OR2D2: variants seen among roughly 807,000 people sequenced by gnomAD.
OR2D2 encodes olfactory receptor 2D2.
In OR2D2, 20 loss-of-function variants were observed where a neutral mutation model predicts 16.0. That is an observed-to-expected ratio of 1.25 (90% confidence interval 0.88 to 1.82). The LOEUF (loss-of-function observed/expected upper bound fraction) is 1.82. Ranked by LOEUF, OR2D2 falls within the 40% of genes most tolerant of loss-of-function variation. The pLI, the probability that OR2D2 is intolerant of heterozygous loss-of-function variation, is 0.00. For synonymous variants in OR2D2, 164 were observed against 143.9 expected (o/e 1.14, Z -1.00); for missense variants, 409 against 369.3 (o/e 1.11, Z -0.88).
Position 6,891,660 on chromosome 11 carries a change from G to A in OR2D2, c.841C>T (p.Pro281Ser). 2 of 1,613,614 alleles carry A rather than the reference G, an allele frequency of 1.2e-6. No individual in the cohort carries two copies. The highest frequency in any genetic ancestry group is 1.7e-6 in the Non-Finnish European group (2 of 1,179,794). ...SVSVFYAIVT[P>S]MLNPLIYSLR... ...CTATAGATGAGGGGATTAAGCATGG[G>A]AGTCACTATTGCATAGAAAACAGAC... Residue 281 changes from proline (P) to serine (S), a missense_variant, in exon 1 of 1, where the codon CCC becomes TCC. Physicochemically the swap from Pro to Ser is moderately conservative, Grantham distance 74. Transcript: ENST00000299459.
Position 6,891,923 on chromosome 11 carries a change from T to C in OR2D2, c.578A>G (p.His193Arg). 6.2e-7 allele frequency: 1 copy of C among 1,613,700 alleles called. No individual in the cohort carries two copies. The highest frequency in any genetic ancestry group is 1.7e-5 in the Admixed American group (1 of 59,924). ...AAGAAAAATGGCCATCTCTGATGCATGGGTGTCTGTGGATGCTAAGATCAA... is the reference window on the plus strand; with the variant it reads ...AAGAAAAATGGCCATCTCTGATGCACGGGTGTCTGTGGATGCTAAGATCAA... Reference protein sequence around the residue: ...ALLILASTDTHASEMAIFLMG... With the variant: ...ALLILASTDTRASEMAIFLMG... Residue 193 changes from histidine to arginine, a missense_variant, in exon 1 of 1, where the codon CAT becomes CGT. Coordinates refer to ENST00000299459, the MANE Select transcript of OR2D2 (RefSeq NM_003700.1).
chr11:6,892,460 A>G lies in OR2D2; in HGVS notation c.41T>C (p.Leu14Pro), dbSNP rs201658807. 4.3e-6 allele frequency: 7 copies of G among 1,612,544 alleles called. No homozygotes were observed. Among genetic ancestry groups the G allele is most frequent in the Middle Eastern group, 3.3e-4 (2 of 6,044 alleles). Residue 14 changes from leucine to proline, a missense_variant, in exon 1 of 1, where the codon CTT (leucine) becomes CCT (proline). Physicochemically the swap from Leu to Pro is moderately conservative, Grantham distance 98. Coordinates refer to ENST00000299459, the MANE Select transcript of OR2D2 (RefSeq NM_003700.1). ...INQTQVTEFL[L>P]LGLSDGPHTE... ...GTGTGGCCCATCAGAGAGTCCCAGA[A>G]GGAGGAATTCTGTCACTTGTGTCTG...
rs139169283 is a variant in OR2D2, at chr11:6,892,432, G to A, written c.69C>T (p.Thr23=). 2.2e-5 allele frequency: 35 copies of A among 1,613,666 alleles called. No individual in the cohort carries two copies. The African/African-American group carries it at 2.3e-4, about 10-fold the overall frequency. Residue 23 remains threonine, a synonymous_variant, in exon 1 of 1, where the codon ACC becomes ACT. Coordinates refer to ENST00000299459, the MANE Select transcript of OR2D2 (RefSeq NM_003700.1). ...ATAATACGATAAATAGCAGCTGCTC[G>A]GTGTGTGGCCCATCAGAGAGTCCCA... ...LLLGLSDGPH[T]EQLLFIVLLG...
In OR2D2 at chr11:6,892,413, C is replaced by T. The variant is rs113796560; in HGVS notation, c.88G>A (p.Val30Ile). ...GPHTEQLLFI[V>I]LLGVYLVTVL... Reference sequence around the variant, plus strand: ...GTGACCAGGTAGACACCCAATAATACGATAAATAGCAGCTGCTCGGTGTGT... The same window carrying T: ...GTGACCAGGTAGACACCCAATAATATGATAAATAGCAGCTGCTCGGTGTGT... Residue 30 changes from valine to isoleucine, a missense_variant, in exon 1 of 1, where the codon GTA becomes ATA. Val to Ile is a conservative substitution (Grantham distance 29). Transcript: ENST00000299459. 123 of 1,613,688 alleles carry T rather than the reference C, an allele frequency of 7.6e-5. No individual in the cohort carries two copies. Among genetic ancestry groups the T allele is most frequent in the African/African-American group, 1.7e-4 (13 of 74,986 alleles).
chr11:6,891,736 T>A lies in OR2D2; in HGVS notation c.765A>T (p.Ala255=). Residue 255 remains alanine (A), a synonymous_variant, in exon 1 of 1, where the codon GCA becomes GCT. Transcript: ENST00000299459. ...ACTTGGGTGTCATGTAAGTGATAAT[T>A]GCTGATCCATAAAAAAGTATGACCA... ...LMVVILFYGS[A]IITYMTPKSS... 6.2e-7 allele frequency: 1 copy of A among 1,613,756 alleles called. No homozygotes were observed. Among genetic ancestry groups the A allele is most frequent in the Non-Finnish European group, 8.5e-7 (1 of 1,179,820 alleles).
At position 6,891,953 on chromosome 11, in the gene OR2D2, G is replaced by C; in HGVS notation, c.548C>G (p.Ala183Gly). The C allele has an allele frequency of 6.2e-7, 1 of 1,613,696 alleles. No homozygotes were observed. The highest frequency in any genetic ancestry group is 8.5e-7 in the Non-Finnish European group (1 of 1,179,826). ...SIAHFFCEAP[A>G]LLILASTDTH... ...GTCTGTGGATGCTAAGATCAATAGT[G>C]CAGGGGCCTCACAAAAGAAATGAGC... The change falls in exon 1 of 1, where the codon GCA becomes GGA. Residue 183 changes from alanine (A) to glycine (G), a missense_variant. Physicochemically the swap from Ala to Gly is moderately conservative, Grantham distance 60 (BLOSUM62 0). Transcript: ENST00000299459.
In OR2D2 at chr11:6,891,681, C is replaced by T. The variant is rs189179469; in HGVS notation, c.820G>A (p.Val274Ile). 6.2e-7 allele frequency: 1 copy of T among 1,612,950 alleles called. No individual in the cohort carries two copies. Residue 274 changes from valine (V) to isoleucine (I), a missense_variant, in exon 1 of 1, where the codon GTT (valine) becomes ATT (isoleucine). Coordinates refer to ENST00000299459, the MANE Select transcript of OR2D2 (RefSeq NM_003700.1). ...ATGGGAGTCACTATTGCATAGAAAA[C>T]AGACACCGATTTTTCCTGCTGTTTG... The part of the protein sequence containing the change: ...SSKQQEKSVS[V>I]FYAIVTPMLN...
chr11:6,892,328 G>C lies in OR2D2; in HGVS notation c.173C>G (p.Pro58Arg), dbSNP rs1445466294. The C allele has an allele frequency of 6.8e-6, 11 of 1,613,580 alleles. No homozygotes were observed. In the East Asian group the frequency reaches 8.9e-5, roughly 13 times the overall value. ...LVHVDSQLHT[P>R]MYFFLCNLSL... is the part of the protein sequence containing the mutation. ...CAAGTTGCAGAGAAAAAAATACATG[G>C]GTGTGTGAAGTTGGGAGTCAACATG... is the stretch of plus-strand genomic sequence containing the variant. The change falls in exon 1 of 1, where the codon CCC (proline) becomes CGC (arginine). Residue 58 changes from proline (P) to arginine (R), a missense_variant. By Grantham distance (103) the Pro-to-Arg change is moderately radical. Transcript: ENST00000299459.
chr11:6,892,336 A>AATTTGGG lies in OR2D2; in HGVS notation c.164_165insCCCAAAT (p.His56ProfsTer17). The AATTTGGG allele has an allele frequency of 6.2e-7, 1 of 1,613,756 alleles. No individual in the cohort carries two copies. Among genetic ancestry groups the AATTTGGG allele is most frequent in the Non-Finnish European group, 8.5e-7 (1 of 1,179,810 alleles). ...AGAGAAAAAAATACATGGGTGTGTG[A>AATTTGGG]AGTTGGGAGTCAACATGAACAAGGG... On this transcript the variant is annotated frameshift_variant, in exon 1 of 1. Coordinates refer to ENST00000299459, the MANE Select transcript of OR2D2 (RefSeq NM_003700.1). LOFTEE classifies it high-confidence loss of function.
At position 6,892,160 on chromosome 11, in the gene OR2D2, A is replaced by T. The variant is rs755889961; in HGVS notation, c.341T>A (p.Leu114His). The T allele has an allele frequency of 1.9e-6, 3 of 1,613,894 alleles. No individual in the cohort carries two copies. In the East Asian group the frequency reaches 6.7e-5, roughly 36 times the overall value. ...FLIFGCTQCALLAVMSYDRYV... is the reference protein window; with the variant it reads ...FLIFGCTQCAHLAVMSYDRYV... The stretch of plus-strand genomic sequence containing the variant: ...GCGATCATAGGACATCACTGCAAGA[A>T]GGGCGCACTGGGTACACCCAAAAAT... The change falls in exon 1 of 1, where the codon CTT becomes CAT. Residue 114 changes from leucine (L) to histidine (H), a missense_variant. Transcript: ENST00000299459.
rs201106689 is a variant in OR2D2, at chr11:6,891,612, C to A, written c.889G>T (p.Ala297Ser). Residue 297 changes from alanine (A) to serine (S), a missense_variant, in exon 1 of 1, where the codon GCA becomes TCA. Physicochemically the swap from Ala to Ser is moderately conservative, Grantham distance 99. Coordinates refer to ENST00000299459, the MANE Select transcript of OR2D2 (RefSeq NM_003700.1). Reference protein sequence around the residue: ...IYSLRNKDVKAALRKVATRNF... With the variant: ...IYSLRNKDVKSALRKVATRNF... The stretch of plus-strand genomic sequence containing the variant: ...CTTGTGGCTACTTTCCTCAGAGCTG[C>A]CTTCACATCCTTGTTTCTCAGGCTA... 33 of 1,613,484 alleles carry A rather than the reference C, an allele frequency of 2.0e-5. No individual in the cohort carries two copies. The Middle Eastern group carries it at 1.2e-3, about 57-fold the overall frequency.
In OR2D2 at chr11:6,892,408, T is replaced by A. The variant is rs1234956103; in HGVS notation, c.93A>T (p.Leu31Phe). Residue 31 changes from leucine (L) to phenylalanine (F), a missense_variant, in exon 1 of 1, where the codon TTA (leucine) becomes TTT (phenylalanine). Leu to Phe is a conservative substitution (Grantham distance 22). Transcript: ENST00000299459. ...GCACAGTGACCAGGTAGACACCCAA[T>A]AATACGATAAATAGCAGCTGCTCGG... ...PHTEQLLFIV[L>F]LGVYLVTVLG... 1 of 1,613,716 alleles carries A rather than the reference T, an allele frequency of 6.2e-7. No homozygotes were observed. The highest frequency in any genetic ancestry group is 1.7e-5 in the Admixed American group (1 of 59,958).
In OR2D2 at chr11:6,892,115, G is replaced by A. The variant is rs1246718067; in HGVS notation, c.386C>T (p.Pro129Leu). Reference sequence around the variant, plus strand: ...GGTCATGATGTTAGGGTAACGCAGAGGATTGCAGATTGCAACATAGCGATC... The same window carrying A: ...GGTCATGATGTTAGGGTAACGCAGAAGATTGCAGATTGCAACATAGCGATC... ...SYDRYVAICNPLRYPNIMTWK... is the reference protein window; with the variant it reads ...SYDRYVAICNLLRYPNIMTWK... Residue 129 changes from proline to leucine, a missense_variant, in exon 1 of 1, where the codon CCT becomes CTT. Coordinates refer to ENST00000299459, the MANE Select transcript of OR2D2 (RefSeq NM_003700.1). The A allele has an allele frequency of 9.9e-6, 16 of 1,613,666 alleles. No individual in the cohort carries two copies. Among genetic ancestry groups the A allele is most frequent in the African/African-American group, 1.3e-5 (1 of 74,872 alleles).
At position 6,892,349 on chromosome 11, in the gene OR2D2, A is replaced by T; in HGVS notation, c.152T>A (p.Val51Asp). 6.2e-7 allele frequency: 1 copy of T among 1,613,794 alleles called. No individual in the cohort carries two copies. Among genetic ancestry groups the T allele is most frequent in the East Asian group, 2.2e-5 (1 of 44,866 alleles). The change falls in exon 1 of 1, where the codon GTT (valine) becomes GAT (aspartate). Residue 51 changes from valine (V) to aspartate (D), a missense_variant. By Grantham distance (152) the Val-to-Asp change is radical. Transcript: ENST00000299459. ...CATGGGTGTGTGAAGTTGGGAGTCA[A>T]CATGAACAAGGGAGATTAGAAGCAG... ...GNLLLISLVH[V>D]DSQLHTPMYF... is the part of the protein sequence containing the mutation.
Position 6,892,414 on chromosome 11 carries a change from G to A in OR2D2, c.87C>T (p.Ile29=), listed in dbSNP as rs148072841. The A allele has an allele frequency of 8.1e-6, 13 of 1,613,574 alleles. No homozygotes were observed. Among genetic ancestry groups the A allele is most frequent in the East Asian group, 2.2e-5 (1 of 44,866 alleles). ...DGPHTEQLLF[I]VLLGVYLVTV... ...TGACCAGGTAGACACCCAATAATACGATAAATAGCAGCTGCTCGGTGTGTG... is the reference window on the plus strand; with the variant it reads ...TGACCAGGTAGACACCCAATAATACAATAAATAGCAGCTGCTCGGTGTGTG... Residue 29 remains isoleucine, a synonymous_variant, in exon 1 of 1, where the codon ATC becomes ATT. Transcript: ENST00000299459.
At position 6,892,185 on chromosome 11, in the gene OR2D2, T is replaced by G. The variant is rs745945836; in HGVS notation, c.316A>C (p.Ile106Leu). 1.1e-5 allele frequency: 17 copies of G among 1,613,530 alleles called. No homozygotes were observed. In the Admixed American group the frequency reaches 2.5e-4, roughly 24 times the overall value. The change falls in exon 1 of 1, where the codon ATT (isoleucine) becomes CTT (leucine). Residue 106 changes from isoleucine (I) to leucine (L), a missense_variant. Physicochemically the swap from Ile to Leu is conservative, Grantham distance 5. Coordinates refer to ENST00000299459, the MANE Select transcript of OR2D2 (RefSeq NM_003700.1). ...AGGGCGCACTGGGTACACCCAAAAA[T>G]GAGGAAAAAGAGAAGTCGAGCTGCG... Reference protein sequence around the residue: ...LCAARLLFFLIFGCTQCALLA... With the variant: ...LCAARLLFFLLFGCTQCALLA...
Position 6,892,063 on chromosome 11 carries a change from T to A in OR2D2, c.438A>T (p.Thr146=). 6.2e-7 allele frequency: 1 copy of A among 1,613,840 alleles called. No homozygotes were observed. Residue 146 remains threonine (T), a synonymous_variant, in exon 1 of 1, where the codon ACA becomes ACT. Transcript: ENST00000299459. ...MTWKVCVQLA[T]GSWTSGILVS... is the part of the protein sequence containing the mutation. ...CCAGAATGCCACTGGTCCATGATCC[T>A]GTTGCCAGCTGGACACACACTTTCC... is the stretch of plus-strand genomic sequence containing the variant.
In OR2D2 at chr11:6,892,366, T is replaced by C. The variant is rs570882950; in HGVS notation, c.135A>G (p.Leu45=). 8 of 1,613,512 alleles carry C rather than the reference T, an allele frequency of 5.0e-6. No individual in the cohort carries two copies. Among genetic ancestry groups the C allele is most frequent in the South Asian group, 2.2e-5 (2 of 91,056 alleles). ...GGGAGTCAACATGAACAAGGGAGAT[T>C]AGAAGCAGATTTCCAAGCACAGTGA... ...YLVTVLGNLL[L]ISLVHVDSQL... The change falls in exon 1 of 1, where the codon CTA becomes CTG. Residue 45 remains leucine (L), a synonymous_variant. Transcript: ENST00000299459.
Position 6,891,715 on chromosome 11 carries a change from G to A in OR2D2, c.786C>T (p.Pro262=). The A allele has an allele frequency of 6.2e-7, 1 of 1,613,658 alleles. No homozygotes were observed. Among genetic ancestry groups the A allele is most frequent in the Non-Finnish European group, 8.5e-7 (1 of 1,179,768 alleles). ...ATTTTTCCTGCTGTTTGGAAGACTT[G>A]GGTGTCATGTAAGTGATAATTGCTG... ...YGSAIITYMT[P]KSSKQQEKSV... is the part of the protein sequence containing the mutation. Residue 262 remains proline, a synonymous_variant, in exon 1 of 1, where the codon CCC becomes CCT. Transcript: ENST00000299459.
Sources: allele counts gnomAD v4.1 joint callset, GRCh38; gene constraint gnomAD v4.1.1; transcripts MANE v1.5; gene names NCBI Gene and HGNC (gene_info 2026-07-23, HGNC 2026-07-21).